RAPGEF5: variants seen among roughly 807,000 people sequenced by gnomAD.
The protein encoded by RAPGEF5 is M-Ras-regulated GEF.
Under a neutral mutation model 125.2 loss-of-function variants are expected in RAPGEF5, and 65 were observed. The ratio of observed to expected loss-of-function variants is 0.52; its 90% CI spans 0.43 to 0.64. The LOEUF (loss-of-function observed/expected upper bound fraction) is 0.64, where lower values mean the gene tolerates loss of function less well. RAPGEF5 is among the 30% of genes least tolerant of loss of function. RAPGEF5 has a pLI of 0.00. For synonymous variants in RAPGEF5, 391 were observed against 385.9 expected (o/e 1.01, Z -0.16); for missense variants, 958 against 1,048.1 (o/e 0.91, Z 1.19).
In RAPGEF5 at chr7:22,277,015, C is replaced by T. The variant is rs1247473687; in HGVS notation, c.748-10003G>A. ...TAAACTCTTTCACAATCAGTATTTC[C>T]TCCATTTATTATATTTCACCTACCT... is the stretch of plus-strand genomic sequence containing the variant. On this transcript the variant is annotated intron_variant, in intron 6 of 25. Coordinates refer to ENST00000665637, the MANE Select transcript of RAPGEF5 (RefSeq NM_012294.5). Among the ~76,000 whole-genome samples the T allele has an allele frequency of 3.9e-5, 6 of 152,122 alleles. No individual in the cohort carries two copies. In the East Asian group the frequency reaches 9.6e-4, roughly 24 times the overall value.
chr7:22,215,122 C>G (rs971809078), intron 9 of RAPGEF5, among the ~76,000 whole-genome samples: 1 of 152,130 alleles, frequency 6.6e-6, no homozygotes, highest in East Asian at 1.9e-4. Flanking sequence ...AGTAAAACTT[C>G]TCAGCCCTCA....
Position 22,146,900 on chromosome 7 carries a change from GTGAAT to G in RAPGEF5, c.1999_2003del (p.Ile667ArgfsTer30). The G allele has an allele frequency of 6.2e-7, 1 of 1,608,834 alleles. No homozygotes were observed. The highest frequency in any genetic ancestry group is 1.7e-5 in the Admixed American group (1 of 58,488). ...TATCTTGTCACTCCTCATTTACCTC[GTGAAT>G]TGAATTGAATAGACTCCAATCAAAA... On this transcript the variant is annotated frameshift_variant, in exon 19 of 26. Coordinates refer to ENST00000665637, the MANE Select transcript of RAPGEF5 (RefSeq NM_012294.5). LOFTEE classifies it high-confidence loss of function.
intron 6 of RAPGEF5, among the ~76,000 whole-genome samples, chr7:22,284,568 G>A (rs1009504260): frequency 6.6e-6 from 1 of 152,152 alleles, no homozygotes; most frequent in African/African-American, 2.4e-5. Flanking sequence ...TTAAGCCACT[G>A]GAAGGACTGG....
chr7:22,207,908 C>T (rs777501935), intron 9 of RAPGEF5, among the ~76,000 whole-genome samples: 31 of 152,252 alleles, frequency 2.0e-4, no homozygotes, highest in Non-Finnish European at 4.4e-4. Flanking sequence ...AAAGATGATG[C>T]TTAATTTAGC....
intron 6 of RAPGEF5, among the ~76,000 whole-genome samples, chr7:22,288,119 T>C (rs902049607): frequency 6.6e-6 from 1 of 152,208 alleles, no homozygotes; most frequent in Non-Finnish European, 1.5e-5. Context: ...TTGCTGCCCA[T>C]TCCTTCCTTT....
At chr7:22,215,120 T>G (rs1320669221) in intron 9 of RAPGEF5, among the ~76,000 whole-genome samples, 1 of 152,064 alleles carries the variant, frequency 6.6e-6, no homozygotes, top group Non-Finnish European at 1.5e-5. Context: ...GAAGTAAAAC[T>G]TCTCAGCCCT....
intron 8 of RAPGEF5, among the ~76,000 whole-genome samples, chr7:22,222,177 T>C (rs1239049123): frequency 6.6e-6 from 1 of 151,754 alleles, no homozygotes; most frequent in East Asian, 1.9e-4. Flanking sequence ...AACATGGAGG[T>C]GGAGGTTGCA....
chr7:22,160,840 A>G (rs914682416), intron 13 of RAPGEF5, among the ~76,000 whole-genome samples: 3 of 152,116 alleles, frequency 2.0e-5, no homozygotes, highest in African/African-American at 7.2e-5. Context: ...GAAATTCTGG[A>G]AAGAGAATTC....
At chr7:22,275,059 C>A (rs377497915) in intron 6 of RAPGEF5, among the ~76,000 whole-genome samples, 22 of 152,186 alleles carry the variant, frequency 1.4e-4, no homozygotes, top group African/African-American at 4.8e-4. Context: ...CTCTTTGCCC[C>A]AGGTCTTTTC....
At chr7:22,204,781 C>T (rs993042677) in intron 9 of RAPGEF5, among the ~76,000 whole-genome samples, 1 of 152,084 alleles carries the variant, frequency 6.6e-6, no homozygotes, top group African/African-American at 2.4e-5. Context: ...GGAACAGTAA[C>T]AGGAAGTTGG....
intron 11 of RAPGEF5, among the ~76,000 whole-genome samples, chr7:22,176,512 AG>A (rs1317437700): frequency 6.6e-6 from 1 of 152,134 alleles, no homozygotes; most frequent in Non-Finnish European, 1.5e-5. Flanking sequence ...AGCACAATTA[AG>A]GCTTTTTGTT....
chr7:22,176,116 C>T (rs1784498966), intron 11 of RAPGEF5, among the ~76,000 whole-genome samples: 1 of 152,174 alleles, frequency 6.6e-6, no homozygotes, highest in African/African-American at 2.4e-5. Flanking sequence ...GCATGTCTTA[C>T]ATGGTGTGTG....
At chr7:22,149,190 C>T (rs188748742) in intron 18 of RAPGEF5, among the ~76,000 whole-genome samples, 1 of 152,310 alleles carries the variant, frequency 6.6e-6, no homozygotes, top group Admixed American at 6.5e-5. Context: ...TTACTCAGCA[C>T]ATACAGATCT....
chr7:22,227,932 A>G (rs778875850), intron 8 of RAPGEF5, among the ~76,000 whole-genome samples: 1 of 152,228 alleles, frequency 6.6e-6, no homozygotes, highest in Non-Finnish European at 1.5e-5. Flanking sequence ...ACATTTTGAC[A>G]AAGATTCTTA....
At chr7:22,342,322 C>T (rs942209475) in intron 1 of RAPGEF5, among the ~76,000 whole-genome samples, 2 of 152,216 alleles carry the variant, frequency 1.3e-5, no homozygotes, top group Non-Finnish European at 1.5e-5. Context: ...CACCAAACCA[C>T]GTTTTCCTCC....
At chr7:22,243,211 C>T (rs913642175) in intron 7 of RAPGEF5, among the ~76,000 whole-genome samples, 1 of 152,096 alleles carries the variant, frequency 6.6e-6, no homozygotes, top group Non-Finnish European at 1.5e-5. Flanking sequence ...AATAACGAAA[C>T]TAAGCCAAAA....
At chr7:22,229,070 G>A (rs117905994) in intron 8 of RAPGEF5, among the ~76,000 whole-genome samples, 4 of 152,220 alleles carry the variant, frequency 2.6e-5, no homozygotes, top group East Asian at 1.9e-4. Context: ...AGACTTAGGC[G>A]ACCTACAGGA....
At chr7:22,328,471 A>G (rs1399759817) in intron 1 of RAPGEF5, among the ~76,000 whole-genome samples, 2 of 152,338 alleles carry the variant, frequency 1.3e-5, no homozygotes, top group Middle Eastern at 3.4e-3. Flanking sequence ...ACAACCTGCC[A>G]TCACCACTGT....
intron 9 of RAPGEF5, among the ~76,000 whole-genome samples, chr7:22,195,117 G>A (rs907036663): frequency 6.6e-5 from 10 of 152,136 alleles, no homozygotes; most frequent in South Asian, 2.1e-4. Flanking sequence ...CTCCTAGCAC[G>A]TTTCCCCTAC....
Sources: allele counts gnomAD v4.1 joint callset (sites outside exome capture counted in the v4.1 genomes callset), GRCh38; gene constraint gnomAD v4.1.1; transcripts MANE v1.5; gene names NCBI Gene and HGNC (gene_info 2026-07-23, HGNC 2026-07-21).